GCLC: variants seen among roughly 807,000 people sequenced by gnomAD.
The protein encoded by GCLC is glutamate--cysteine ligase catalytic subunit.
GCLC carries 30 observed loss-of-function variants against 81.5 expected under a neutral mutation model. That is an observed-to-expected ratio of 0.37 (90% confidence interval 0.28 to 0.50). The LOEUF (loss-of-function observed/expected upper bound fraction) is 0.50, where lower values mean the gene tolerates loss of function less well. Among genes scored for constraint, GCLC ranks in the 20% least tolerant of loss-of-function variants. The pLI is 0.96. For synonymous variants in GCLC, 262 were observed against 273.3 expected (o/e 0.96, Z 0.41); for missense variants, 556 against 777.4 (o/e 0.72, Z 3.39).
At chr6:53,513,979 C>T (rs1030906370) in intron 6 of GCLC, 2 of 568,344 alleles carry the variant, frequency 3.5e-6, no homozygotes, top group Non-Finnish European at 6.2e-6. Flanking sequence ...GGTATATATA[C>T]CGTATATACC....
intron 1 of GCLC, among the ~76,000 whole-genome samples, chr6:53,543,845 A>C (rs1194392764): frequency 1.3e-5 from 2 of 152,256 alleles, no homozygotes; most frequent in African/African-American, 4.8e-5. Flanking sequence ...GAAAGACACA[A>C]GCAAATCCTA....
At chr6:53,539,415 C>G (rs1184762789) in intron 1 of GCLC, among the ~76,000 whole-genome samples, 1 of 152,098 alleles carries the variant, frequency 6.6e-6, no homozygotes, top group African/African-American at 2.4e-5. Flanking sequence ...TACCTGAGTT[C>G]CAAAAAGCCA....
chr6:53,508,879 C>A (rs1312363206), intron 7 of GCLC, among the ~76,000 whole-genome samples, 168 bp from the exon 8 acceptor site: 1 of 152,178 alleles, frequency 6.6e-6, no homozygotes, highest in Admixed American at 6.5e-5. Context: ...GAATCCAGTT[C>A]CTTGGGTTTG....
rs1763203048 is a variant in GCLC at position 53,533,319 on chromosome 6, CT to C, written c.151-10793del. 7.2e-5 allele frequency among the ~76,000 whole-genome samples: 11 copies of C among 152,326 alleles called. No individual in the cohort carries two copies. The South Asian group carries it at 2.3e-3, about 32-fold the overall frequency. ...GGCATTTATTTTGATCTGACACCAA[CT>C]TTTGCTATTCTCCCAAATCCTTAAT... is the stretch of plus-strand genomic sequence containing the variant. On this transcript the variant is annotated intron_variant, in intron 1 of 15. Coordinates refer to ENST00000650454, the MANE Select transcript of GCLC (RefSeq NM_001498.4).
Position 53,498,271 on chromosome 6 carries a change from AT to A in GCLC, c.*484del. 6.2e-6 allele frequency: 1 copy of A among 162,308 alleles called. No individual in the cohort carries two copies. Among genetic ancestry groups the A allele is most frequent in the African/African-American group, 2.4e-5 (1 of 41,632 alleles). 10.1% of individuals were successfully genotyped at this position (162,308 alleles called of 1,614,324 possible). A position where few individuals can be genotyped will look rare whatever the true frequency, so the allele number is the denominator to read the frequency against. On this transcript the variant is annotated 3_prime_UTR_variant, in exon 16 of 16. Coordinates refer to ENST00000650454, the MANE Select transcript of GCLC (RefSeq NM_001498.4). ...CAAGATTACCCTTGAAGCACTTTCA[AT>A]GGATTCAAGTGATTTAATGTAGACA...
chr6:53,522,313 CTT>C, intron 2 of GCLC, 100 bp downstream of exon 2: 2 of 766,290 alleles, frequency 2.6e-6, no homozygotes, highest in Admixed American at 3.7e-5. Flanking sequence ...AGCCTGTACT[CTT>C]AACTGTTAGG....
At chr6:53,539,890 T>C (rs1226117339) in intron 1 of GCLC, among the ~76,000 whole-genome samples, 2 of 152,234 alleles carry the variant, frequency 1.3e-5, no homozygotes, top group Non-Finnish European at 2.9e-5. Context: ...CTGACCTGTC[T>C]TCACACTTCT....
At chr6:53,505,948 AT>A (rs1480917892) in intron 10 of GCLC, 53 bp from the exon 11 acceptor site, 15 of 971,010 alleles carry the variant, frequency 1.5e-5, no homozygotes, top group Non-Finnish European at 1.7e-5. Context: ...CCAGGAAAAT[AT>A]TAAGATGATC....
At chr6:53,507,201 G>A (rs1163110538) in intron 9 of GCLC, 176 bp from the exon 10 acceptor site, 24 of 680,238 alleles carry the variant, frequency 3.5e-5, no homozygotes, top group Middle Eastern at 2.6e-4. Flanking sequence ...CGGACACTGC[G>A]GGAGTGTCAG....
chr6:53,515,978 C>T, intron 4 of GCLC, 131 bp downstream of exon 4: 1 of 681,580 alleles, frequency 1.5e-6, no homozygotes, highest in Admixed American at 2.0e-5. Flanking sequence ...CTGCTATCTT[C>T]TCTGGTTACT....
chr6:53,512,093 C>T (rs888917395), intron 6 of GCLC, among the ~76,000 whole-genome samples: 2 of 151,840 alleles, frequency 1.3e-5, no homozygotes, highest in Non-Finnish European at 2.9e-5. Flanking sequence ...GGATTACAGG[C>T]ACATGCCACC....
rs1251778922 is a variant in GCLC at position 53,498,808 on chromosome 6, G to C, written c.1862C>G (p.Ser621Ter). The C allele has an allele frequency of 6.8e-6, 11 of 1,613,408 alleles. No individual in the cohort carries two copies. In the East Asian group the frequency reaches 2.5e-4, roughly 36 times the overall value. The change falls in exon 16 of 16, where the codon TCA becomes TGA. Residue 621 changes from serine (S) to a stop codon, truncating the protein, a stop_gained. Coordinates refer to ENST00000650454, the MANE Select transcript of GCLC (RefSeq NM_001498.4). LOFTEE classifies it high-confidence loss of function. ...ELCECPELLG[S>*]AFRKVKYSGS... ...ACTATATTTTACTTTCCTAAATGCT[G>C]ATCCAAGTAACTCTGGGCATTCACA...
At chr6:53,504,909 A>C (rs1419032655) in intron 12 of GCLC, among the ~76,000 whole-genome samples, 1 of 152,186 alleles carries the variant, frequency 6.6e-6, no homozygotes, top group East Asian at 1.9e-4. Context: ...CTACTGCTCC[A>C]CAACCCACAG....
At chr6:53,526,100 T>C (rs1763076237) in intron 1 of GCLC, among the ~76,000 whole-genome samples, 1 of 152,188 alleles carries the variant, frequency 6.6e-6, no homozygotes, top group African/African-American at 2.4e-5. Flanking sequence ...ATTAATACAC[T>C]ACTATCCCTG....
Position 53,498,184 on chromosome 6 carries a change from C to CA in GCLC, c.*571dup, listed in dbSNP as rs17884215. ...TTTATTCAGAGGGGAAAGCTTGGGG[C>CA]AAGGTGACCAAGTGATTATTCCAAT... is the stretch of plus-strand genomic sequence containing the variant. On this transcript the variant is annotated 3_prime_UTR_variant, in exon 16 of 16. Coordinates refer to ENST00000650454, the MANE Select transcript of GCLC (RefSeq NM_001498.4). 17,023 of 153,616 alleles carry CA rather than the reference C, an allele frequency of 0.11. 993 individuals carry two copies. Among genetic ancestry groups the CA allele is most frequent in the South Asian group, 0.15 (719 of 4,884 alleles). The allele number at this position is 153,616 out of a possible 1,614,324, so 9.5% of individuals were successfully genotyped here.
chr6:53,543,335 A>G (rs1763391001), intron 1 of GCLC, among the ~76,000 whole-genome samples: 1 of 152,228 alleles, frequency 6.6e-6, no homozygotes, highest in South Asian at 2.1e-4. Flanking sequence ...TTCTGTTCAA[A>G]GAAGTGTGAC....
intron 12 of GCLC, 117 bp from the exon 13 acceptor site, chr6:53,500,630 C>T (rs1581726443): frequency 1.3e-6 from 1 of 784,684 alleles, no homozygotes; most frequent in East Asian, 2.4e-5. Flanking sequence ...CTACTTTCTG[C>T]TCAAATGCTT....
intron 12 of GCLC, chr6:53,501,417 A>G (rs1310890642): frequency 6.6e-6 from 1 of 152,244 alleles, no homozygotes; most frequent in East Asian, 1.9e-4. Flanking sequence ...TCACTCATGA[A>G]ACCGAAAACT....
chr6:53,498,807 T>G lies in GCLC; in HGVS notation c.1863A>C (p.Ser621=), dbSNP rs1367414106. ...ELCECPELLG[S]AFRKVKYSGS... ...CACTATATTTTACTTTCCTAAATGC[T>G]GATCCAAGTAACTCTGGGCATTCAC... Residue 621 remains serine, a synonymous_variant, in exon 16 of 16, where the codon TCA becomes TCC. Transcript: ENST00000650454. 6.2e-7 allele frequency: 1 copy of G among 1,613,716 alleles called. No homozygotes were observed.
Sources: gnomAD v4.1 joint callset for allele counts (sites outside exome capture counted in the v4.1 genomes callset) on GRCh38, gnomAD v4.1.1 for gene constraint, MANE v1.5 for transcripts, NCBI Gene and HGNC (gene_info 2026-07-23, HGNC 2026-07-21) for gene names.